SCN10A: variants seen among roughly 807,000 people sequenced by gnomAD.
The protein encoded by SCN10A is sodium channel protein type 10 subunit alpha.
A neutral mutation model predicts 170.7 loss-of-function variants in SCN10A; 162 were observed. The observed-to-expected ratio is 0.95, with a 90% CI of 0.84 to 1.08. The LOEUF is 1.08. SCN10A is among the 50% of genes least tolerant of loss of function. SCN10A has a pLI of 0.00. For missense variants in SCN10A, 2,527 were observed against 2,436.9 expected, an observed-to-expected ratio of 1.04 and a Z score of -0.78; for synonymous variants, 985 against 904.6, an observed-to-expected ratio of 1.09 and a Z score of -1.59.
At chr3:38,760,876 T>A (rs183577345) in intron 7 of SCN10A, 129 bp from the exon 8 acceptor site, 1 of 717,568 alleles carries the variant, frequency 1.4e-6, no homozygotes, top group Non-Finnish European at 2.4e-6. Context: ...TCAGTGGGCA[T>A]GCTGGGCCAC....
In SCN10A at chr3:38,815,432, T is replaced by C. The variant is rs186907417; in HGVS notation, c.-33+605A>G. On this transcript the variant is annotated intron_variant, in intron 1 of 27. Coordinates refer to ENST00000449082, the MANE Select transcript of SCN10A (RefSeq NM_006514.4). Reference sequence around the variant, plus strand: ...AGGCCTGGAGTGGGGTCCAAGAGTCTGTGTTTCTAAAAAGTTCTCCACTTT... The same window carrying C: ...AGGCCTGGAGTGGGGTCCAAGAGTCCGTGTTTCTAAAAAGTTCTCCACTTT... Among the ~76,000 whole-genome samples the C allele has an allele frequency of 6.4e-4, 98 of 152,326 alleles. 2 individuals are homozygous for C. In the South Asian group the frequency reaches 0.013, roughly 20 times the overall value.
chr3:38,752,170 T>A, intron 12 of SCN10A, 49 bp downstream of exon 12: 1 of 1,449,588 alleles, frequency 6.9e-7, no homozygotes, highest in Non-Finnish European at 9.1e-7. Context: ...GGCTCAAGGC[T>A]TCTAGGTGGA....
rs1048676042 is a variant in SCN10A at position 38,739,519 on chromosome 3, C to T, written c.2276G>A (p.Arg759His). 2.5e-6 allele frequency: 4 copies of T among 1,612,730 alleles called. No homozygotes were observed. Among genetic ancestry groups the T allele is most frequent in the Non-Finnish European group, 3.4e-6 (4 of 1,179,422 alleles). ...CCATCAAGAGAAAAACATTACCAAG[C>T]GGAAGCTCCGCAGCACAGACAGGCT... ...KGSLSVLRSF[R>H]LLRVFKLAKS... The change falls in exon 15 of 28, where the codon CGC becomes CAC. Residue 759 changes from arginine (R) to histidine (H), a missense_variant. Arg to His is a conservative substitution (Grantham distance 29). Transcript: ENST00000449082.
chr3:38,794,093 C>A (rs1383699408), intron 1 of SCN10A, 51 bp from the exon 2 acceptor site: 13 of 1,255,234 alleles, frequency 1.0e-5, no homozygotes, highest in African/African-American at 1.5e-5. Context: ...CCCACTGGCC[C>A]TGTCCCTCTC....
intron 13 of SCN10A, 102 bp downstream of exon 13, chr3:38,749,971 C>T (rs1193382326): frequency 2.1e-5 from 13 of 616,536 alleles, no homozygotes; most frequent in African/African-American, 5.5e-5. Flanking sequence ...TTCCAGTACA[C>T]AGAGATGGAC....
At chr3:38,707,035 G>A (rs541664626) in intron 26 of SCN10A, among the ~76,000 whole-genome samples, 18 of 152,298 alleles carry the variant, frequency 1.2e-4, no homozygotes, top group East Asian at 1.9e-4. Context: ...GAGAAACTCA[G>A]TGCTTCCCCC....
chr3:38,746,063 G>GTATGTATA (rs1553619551), intron 13 of SCN10A, among the ~76,000 whole-genome samples: 2 of 61,672 alleles, frequency 3.2e-5, no homozygotes, highest in Admixed American at 1.9e-4. Context: ...GTGTGTATGT[G>GTATGTATA]TATATATATA....
Position 38,756,844 on chromosome 3 carries a change from T to C in SCN10A, c.1120A>G (p.Met374Val), listed in dbSNP as rs2063812501. The C allele has an allele frequency of 6.2e-7, 1 of 1,614,066 alleles. No homozygotes were observed. The highest frequency in any genetic ancestry group is 8.5e-7 in the Non-Finnish European group (1 of 1,180,006). Residue 374 changes from methionine (M) to valine (V), a missense_variant, in exon 10 of 28, where the codon ATG (methionine) becomes GTG (valine). Transcript: ENST00000449082. The part of the protein sequence containing the change: ...QTLRTSGKIY[M>V]IFFVLVIFLG... ...AAGATTACGAGCACAAAAAAGATCA[T>C]ATAGATTTTCCCAGAAGTCCTCAGG...
chr3:38,699,765 T>A (rs915874636), intron 27 of SCN10A, among the ~76,000 whole-genome samples: 1 of 152,182 alleles, frequency 6.6e-6, no homozygotes, highest in African/African-American at 2.4e-5. Context: ...CACATTTTAA[T>A]TTGCTCCAGG....
At chr3:38,766,326 A>T (rs1559453432) in intron 5 of SCN10A, among the ~76,000 whole-genome samples, 1 of 152,024 alleles carries the variant, frequency 6.6e-6, no homozygotes, top group Non-Finnish European at 1.5e-5. Flanking sequence ...TCTCAGGGGG[A>T]ATGCTTTCAA....
intron 1 of SCN10A, among the ~76,000 whole-genome samples, chr3:38,796,673 A>G (rs900274216): frequency 8.6e-5 from 13 of 151,728 alleles, no homozygotes; most frequent in African/African-American, 3.1e-4. Flanking sequence ...TTATCTTTCC[A>G]CTTTATTTTG....
At chr3:38,785,690 T>G (rs1440534697) in intron 4 of SCN10A, among the ~76,000 whole-genome samples, 1 of 151,990 alleles carries the variant, frequency 6.6e-6, no homozygotes, top group African/African-American at 2.4e-5. Context: ...TCAGAGTGAA[T>G]AGGTAACCTA....
At chr3:38,722,177 A>T in intron 20 of SCN10A, 81 bp downstream of exon 20, 1 of 1,393,016 alleles carries the variant, frequency 7.2e-7, no homozygotes, top group Non-Finnish European at 9.9e-7. Flanking sequence ...AGGAGAACCC[A>T]CTGATGCAGC....
intron 15 of SCN10A, among the ~76,000 whole-genome samples, chr3:38,729,268 G>A (rs888737868): frequency 6.6e-6 from 1 of 152,156 alleles, no homozygotes; most frequent in African/African-American, 2.4e-5. Flanking sequence ...AAATAAGTGA[G>A]AACAAGCTTA....
At chr3:38,706,188 T>C (rs1036965737) in intron 26 of SCN10A, among the ~76,000 whole-genome samples, 1 of 152,250 alleles carries the variant, frequency 6.6e-6, no homozygotes, top group Non-Finnish European at 1.5e-5. Context: ...CTTTTTTCTC[T>C]TGTAAATGTT....
At chr3:38,774,173 T>C (rs139871010) in intron 4 of SCN10A, among the ~76,000 whole-genome samples, 15 of 152,326 alleles carry the variant, frequency 9.8e-5, no homozygotes, top group Non-Finnish European at 1.5e-4. Flanking sequence ...TCTGGTTGCA[T>C]AGCTGCTTGA....
At chr3:38,813,638 C>G (rs1041138435) in intron 1 of SCN10A, among the ~76,000 whole-genome samples, 3 of 152,178 alleles carry the variant, frequency 2.0e-5, no homozygotes, top group African/African-American at 7.2e-5. Context: ...CATGGCCACT[C>G]TGACTCCTTC....
At chr3:38,756,080 C>T (rs761655939) in intron 10 of SCN10A, 122 bp from the exon 11 acceptor site, 20 of 1,053,388 alleles carry the variant, frequency 1.9e-5, no homozygotes, top group Non-Finnish European at 2.7e-5. Context: ...AGGGTTAGGA[C>T]CAGGGTGGTG....
At chr3:38,707,573 C>A (rs1283279311) in intron 25 of SCN10A, among the ~76,000 whole-genome samples, 190 bp from the exon 26 acceptor site, 2 of 152,202 alleles carry the variant, frequency 1.3e-5, no homozygotes. Flanking sequence ...CCATTGCTGA[C>A]TCCCTGCCTG....
Sources: gnomAD v4.1 joint callset for allele counts (sites outside exome capture counted in the v4.1 genomes callset) on GRCh38, gnomAD v4.1.1 for gene constraint, MANE v1.5 for transcripts, NCBI Gene and HGNC (gene_info 2026-07-23, HGNC 2026-07-21) for gene names.